ERBB4: variants seen among roughly 807,000 people sequenced by gnomAD.
The protein encoded by ERBB4 is receptor tyrosine-protein kinase erbB-4.
ERBB4 carries 42 observed loss-of-function variants against 158.0 expected under a neutral mutation model. The ratio of observed to expected loss-of-function variants is 0.27; its 90% CI spans 0.21 to 0.34. ERBB4 has a LOEUF of 0.34. Among genes scored for constraint, ERBB4 ranks in the 10% least tolerant of loss-of-function variants. The probability of loss-of-function intolerance (pLI) is 1.00; values close to 1 mark genes in which losing one functional copy is unlikely to be tolerated. For synonymous variants in ERBB4, 583 were observed against 558.7 expected, an observed-to-expected ratio of 1.04 and a Z score of -0.61; for missense variants, 1,333 against 1,624.1, an observed-to-expected ratio of 0.82 and a Z score of 3.08.
At chr2:211,816,270 G>T (rs577796824) in intron 3 of ERBB4, among the ~76,000 whole-genome samples, 2 of 152,210 alleles carry the variant, frequency 1.3e-5, no homozygotes, top group African/African-American at 4.8e-5. Flanking sequence ...GCCAGGCACG[G>T]TGGCTCATGC....
rs186812368 is a variant in ERBB4 at position 211,447,675 on chromosome 2, T to C, written c.2488-16575A>G. On this transcript the variant is annotated intron_variant, in intron 20 of 27. Coordinates refer to ENST00000342788, the MANE Select transcript of ERBB4 (RefSeq NM_005235.3). ...TTTGATTAAAAAGTTCTACATCCAC[T>C]AGGATTTAGCAGACTTATTTTTGAC... is the stretch of plus-strand genomic sequence containing the variant. 4.1e-3 allele frequency among the ~76,000 whole-genome samples: 621 copies of C among 152,328 alleles called. 5 individuals carry two copies. Among genetic ancestry groups the C allele is most frequent in the African/African-American group, 0.014 (586 of 41,590 alleles).
chr2:212,497,050 C>A (rs73069015), intron 1 of ERBB4, among the ~76,000 whole-genome samples: 8 of 151,424 alleles, frequency 5.3e-5, no homozygotes, highest in Non-Finnish European at 1.0e-4. Flanking sequence ...TGGTGGCATG[C>A]GCCTGTAATC....
intron 2 of ERBB4, among the ~76,000 whole-genome samples, chr2:212,122,045 T>C (rs2079766288): frequency 6.7e-6 from 1 of 148,726 alleles, no homozygotes; most frequent in African/African-American, 2.5e-5. Context: ...TATTTTATAT[T>C]TATATATATA....
chr2:211,876,467 T>C (rs2106132932), intron 3 of ERBB4, among the ~76,000 whole-genome samples: 1 of 152,220 alleles, frequency 6.6e-6, no homozygotes, highest in African/African-American at 2.4e-5. Context: ...TATAGAGCAA[T>C]TAAAGTTTAT....
intron 1 of ERBB4, among the ~76,000 whole-genome samples, chr2:212,495,176 T>C (rs1690491560): frequency 6.6e-6 from 1 of 152,166 alleles, no homozygotes; most frequent in Non-Finnish European, 1.5e-5. Flanking sequence ...CTATTGTTAT[T>C]TAACATCATC....
intron 2 of ERBB4, among the ~76,000 whole-genome samples, chr2:212,012,057 T>A (rs528566154): frequency 1.6e-4 from 25 of 152,206 alleles, no homozygotes; most frequent in Non-Finnish European, 3.1e-4. Context: ...ATTAGGGTTG[T>A]TTTTTAGTAT....
rs1553648445 is a variant in ERBB4 at position 211,861,124 on chromosome 2, T to TA, written c.422-72966_422-72965insT. Among the ~76,000 whole-genome samples, 10 of 20,260 alleles carry TA rather than the reference T, an allele frequency of 4.9e-4. 2 individuals are homozygous for TA. The highest frequency in any genetic ancestry group is 2.3e-3 in the African/African-American group (10 of 4,396). The allele number at this position is 20,260 out of a possible 152,430, so 13.3% of individuals were successfully genotyped here. On this transcript the variant is annotated intron_variant, in intron 3 of 27. Transcript: ENST00000342788. ...CATTATATATATTTATATATATATT[T>TA]TATATATATATATATATATATATAT...
chr2:212,348,263 T>G (rs1436902746), intron 1 of ERBB4, among the ~76,000 whole-genome samples: 1 of 152,094 alleles, frequency 6.6e-6, no homozygotes, highest in Non-Finnish European at 1.5e-5. Flanking sequence ...ATCACCTATT[T>G]TGGTAAGGCA....
At chr2:211,859,254 T>C (rs1483231677) in intron 3 of ERBB4, among the ~76,000 whole-genome samples, 5 of 152,206 alleles carry the variant, frequency 3.3e-5, no homozygotes, top group Non-Finnish European at 7.3e-5. Context: ...TCCTCATGCA[T>C]TCCCTTAAAA....
At chr2:211,646,848 C>G (rs2070796353) in intron 16 of ERBB4, among the ~76,000 whole-genome samples, 1 of 151,578 alleles carries the variant, frequency 6.6e-6, no homozygotes, top group African/African-American at 2.4e-5. Flanking sequence ...ATAGGGTGAC[C>G]TTCAAGTTAG....
At chr2:212,255,825 T>C (rs1182473078) in intron 1 of ERBB4, among the ~76,000 whole-genome samples, 1 of 151,908 alleles carries the variant, frequency 6.6e-6, no homozygotes, top group Non-Finnish European at 1.5e-5. Flanking sequence ...GAATACTTTG[T>C]GTCATTTTTT....
At chr2:212,384,890 A>AATATATATATATATATATAT (rs67216333) in intron 1 of ERBB4, among the ~76,000 whole-genome samples, 1 of 123,188 alleles carries the variant, frequency 8.1e-6, no homozygotes, top group African/African-American at 3.2e-5. Context: ...ATGTTTGTGG[A>AATATATATATATATATATAT]ATATATATAT....
intron 16 of ERBB4, chr2:211,657,522 AAG>A (rs2071263198): frequency 2.0e-6 from 1 of 498,968 alleles, no homozygotes; most frequent in Non-Finnish European, 3.6e-6. Context: ...AAAAAAAAAA[AAG>A]AAATCGATGG....
intron 1 of ERBB4, among the ~76,000 whole-genome samples, chr2:212,494,417 A>G (rs1366215310): frequency 2.6e-5 from 4 of 152,064 alleles, no homozygotes; most frequent in Non-Finnish European, 5.9e-5. Flanking sequence ...CCTGGGATTA[A>G]TATTAAAATA....
intron 20 of ERBB4, among the ~76,000 whole-genome samples, chr2:211,474,612 A>AC (rs554336046): frequency 1.1e-3 from 161 of 152,258 alleles, no homozygotes; most frequent in African/African-American, 3.8e-3. Context: ...ACCTGGAAAG[A>AC]CAATGTATTC....
At chr2:211,513,599 G>A (rs2065943876) in intron 20 of ERBB4, among the ~76,000 whole-genome samples, 1 of 151,992 alleles carries the variant, frequency 6.6e-6, no homozygotes, top group Non-Finnish European at 1.5e-5. Flanking sequence ...ATTAAGCTTG[G>A]GGATAGGGAA....
At chr2:211,973,257 A>C (rs2125208177) in intron 2 of ERBB4, among the ~76,000 whole-genome samples, 1 of 151,110 alleles carries the variant, frequency 6.6e-6, no homozygotes, top group Middle Eastern at 3.4e-3. Flanking sequence ...GCTGGAGTGC[A>C]GTGGCGGGAT....
intron 27 of ERBB4, among the ~76,000 whole-genome samples, chr2:211,386,526 G>A (rs1183362491): frequency 2.0e-5 from 3 of 152,116 alleles, no homozygotes; most frequent in African/African-American, 7.2e-5. Flanking sequence ...TTTGTAGTAT[G>A]CTACTTCATT....
intron 1 of ERBB4, among the ~76,000 whole-genome samples, chr2:212,292,125 A>C (rs1242161871): frequency 6.6e-6 from 1 of 151,998 alleles, no homozygotes; most frequent in Non-Finnish European, 1.5e-5. Flanking sequence ...TTTAAGTCAG[A>C]AAATCCAACT....
Sources: allele counts gnomAD v4.1 joint callset (sites outside exome capture counted in the v4.1 genomes callset), GRCh38; gene constraint gnomAD v4.1.1; transcripts MANE v1.5; gene names NCBI Gene and HGNC (gene_info 2026-07-23, HGNC 2026-07-21).